TIMM21: variants seen among roughly 807,000 people sequenced by gnomAD.
TIMM21 encodes translocase of inner mitochondrial membrane 21.
Under a neutral mutation model 27.7 loss-of-function variants are expected in TIMM21, and 30 were observed. That is an observed-to-expected ratio of 1.08 (90% CI 0.81 to 1.47). TIMM21 has a LOEUF of 1.47. TIMM21 is among the 40% of genes most tolerant of loss of function. The pLI, the probability that TIMM21 is intolerant of heterozygous loss-of-function variation, is 0.00. For missense variants in TIMM21, 292 were observed against 302.9 expected (o/e 0.96, Z 0.27); for synonymous variants, 121 against 114.4 (o/e 1.06, Z -0.37).
At position 74,158,019 on chromosome 18, in the gene TIMM21, C is replaced by T. The variant is rs747357099; in HGVS notation, c.468C>T (p.Ile156=). Residue 156 remains isoleucine (I), a synonymous_variant, in exon 4 of 6, where the codon ATC becomes ATT. Transcript: ENST00000169551. ...GCACTGTCCTTGTTCTGCAGGTGAT[C>T]GGTGTCTTTGGTGAGTCTGTTAAAG... is the stretch of plus-strand genomic sequence containing the variant. ...LEKCRSHPEV[I]GVFGESVKGY... is the part of the protein sequence containing the mutation. 20 of 1,613,930 alleles carry T rather than the reference C, an allele frequency of 1.2e-5. 2 individuals carry two copies. The South Asian group carries it at 1.6e-4, about 13-fold the overall frequency.
rs139456154 is a variant in TIMM21, at chr18:74,149,080, G to T, written c.272G>T (p.Gly91Val). The change falls in exon 1 of 6, where the codon GGG becomes GTG. Residue 91 changes from glycine (G) to valine (V), a missense_variant. Gly to Val is a moderately radical substitution (Grantham distance 109). Coordinates refer to ENST00000169551, the MANE Select transcript of TIMM21 (RefSeq NM_014177.3). ...KQVSVHRSQR[G>V]GTAVPTSQKV... ...GTGTCTGTGCACAGGAGTCAGAGAG[G>T]GGGAACCGCCGTCCCAACATCACAA... is the stretch of plus-strand genomic sequence containing the variant. 6.2e-7 allele frequency: 1 copy of T among 1,610,876 alleles called. No individual in the cohort carries two copies. Among genetic ancestry groups the T allele is most frequent in the Non-Finnish European group, 8.5e-7 (1 of 1,177,688 alleles).
chr18:74,151,275 T>C lies in TIMM21; in HGVS notation c.301+2166T>C, dbSNP rs550385813. On this transcript the variant is annotated intron_variant, in intron 1 of 5. Coordinates refer to ENST00000169551, the MANE Select transcript of TIMM21 (RefSeq NM_014177.3). ...TTCAGGTCCAGAAACTGGGGCAATG[T>C]TCAGGACTTTGCATTAGAGCAGCTG... Among the ~76,000 whole-genome samples, 10 of 152,354 alleles carry C rather than the reference T, an allele frequency of 6.6e-5. No homozygotes were observed. In the East Asian group the frequency reaches 1.9e-3, roughly 29 times the overall value.
intron 1 of TIMM21, among the ~76,000 whole-genome samples, chr18:74,153,726 G>A (rs1345356064): frequency 6.6e-6 from 1 of 152,190 alleles, no homozygotes; most frequent in African/African-American, 2.4e-5. Context: ...ATACGCTAAA[G>A]ACTACTTTTA....
chr18:74,151,949 C>T (rs971196821), intron 1 of TIMM21, among the ~76,000 whole-genome samples: 5 of 143,830 alleles, frequency 3.5e-5, no homozygotes, highest in Non-Finnish European at 7.6e-5. Flanking sequence ...CCCCCCCCCC[C>T]GGGGGGACCT....
chr18:74,156,463 A>C, intron 3 of TIMM21: 1 of 394,590 alleles, frequency 2.5e-6, no homozygotes, highest in Non-Finnish European at 4.5e-6. Context: ...ATTTCTCTTC[A>C]TTGAGCTCTG....
chr18:74,153,228 CAG>C (rs1163220076), intron 1 of TIMM21, among the ~76,000 whole-genome samples: 2 of 152,164 alleles, frequency 1.3e-5, no homozygotes, highest in East Asian at 1.9e-4. Flanking sequence ...AAGTAACAAA[CAG>C]AAATTTTTCA....
At chr18:74,150,503 G>A (rs1207915294) in intron 1 of TIMM21, among the ~76,000 whole-genome samples, 1 of 152,208 alleles carries the variant, frequency 6.6e-6, no homozygotes, top group Non-Finnish European at 1.5e-5. Context: ...CCTTAAGACT[G>A]TTATGATAGA....
Position 74,159,723 on chromosome 18 carries a change from A to AACTT in TIMM21, c.*1245_*1248dup, listed in dbSNP as rs1980053167. 6.6e-6 allele frequency: 1 copy of AACTT among 152,216 alleles called. No homozygotes were observed. The highest frequency in any genetic ancestry group is 2.1e-4 in the South Asian group (1 of 4,826). 9.4% of individuals were successfully genotyped at this position (152,216 alleles called of 1,614,324 possible). A position where few individuals can be genotyped will look rare whatever the true frequency, so the allele number is the denominator to read the frequency against. On this transcript the variant is annotated 3_prime_UTR_variant, in exon 6 of 6. Transcript: ENST00000169551. ...ACACACTTTGACTGAATGAGGCCTT[A>AACTT]ACTTAGGCTTTCTCTCCTAATCGTT...
rs141947557 is a variant in TIMM21 at position 74,158,433 on chromosome 18, C to G, written c.700C>G (p.Pro234Ala). 419 of 1,602,008 alleles carry G rather than the reference C, an allele frequency of 2.6e-4. No homozygotes were observed. The highest frequency in any genetic ancestry group is 3.4e-4 in the Non-Finnish European group (395 of 1,170,784). ...TATATTTGTAGAAATTGAATCTTAT[C>G]CTAGAAGAACTATTATCATTGAAGA... ...RYIFVEIESY[P>A]RRTIIIEDNR... is the part of the protein sequence containing the mutation. Residue 234 changes from proline to alanine, a missense_variant, in exon 6 of 6, where the codon CCT becomes GCT. Transcript: ENST00000169551.
intron 1 of TIMM21, among the ~76,000 whole-genome samples, chr18:74,154,145 T>A (rs1477215795): frequency 6.6e-6 from 1 of 152,170 alleles, no homozygotes. Flanking sequence ...GGAGGGACAA[T>A]CGGGAATCTA....
intron 1 of TIMM21, 59 bp from the exon 2 acceptor site, chr18:74,155,086 A>G (rs3737513): frequency 0.093 from 143,950 of 1,548,678 alleles, 8,103 homozygotes; most frequent in Admixed American, 0.25. Context: ...CAAAAGCAGC[A>G]GACAAGCTTG....
intron 3 of TIMM21, chr18:74,157,465 A>G (rs978303091): frequency 6.5e-6 from 1 of 153,478 alleles, no homozygotes; most frequent in African/African-American, 2.4e-5. Flanking sequence ...TTGAAACTAC[A>G]AGTCACACCA....
At chr18:74,156,522 A>C in intron 3 of TIMM21, 1 of 379,274 alleles carries the variant, frequency 2.6e-6, no homozygotes, top group Non-Finnish European at 4.7e-6. Flanking sequence ...AAAGTATCTC[A>C]GAGGTGAAAA....
In TIMM21 at chr18:74,152,332, C is replaced by A. The variant is rs940486773; in HGVS notation, c.302-2813C>A. On this transcript the variant is annotated intron_variant, in intron 1 of 5. Coordinates refer to ENST00000169551, the MANE Select transcript of TIMM21 (RefSeq NM_014177.3). The surrounding 1 kb of genome is among the most constrained non-coding windows in gnomAD (Gnocchi z 4.1). ...TCCCTTCCGCCCCAGACCTCACCCA[C>A]GCATTTTCTATCCTCTGGGTGCAAT... 6.6e-6 allele frequency among the ~76,000 whole-genome samples: 1 copy of A among 152,112 alleles called. No homozygotes were observed. The highest frequency in any genetic ancestry group is 1.5e-5 in the Non-Finnish European group (1 of 68,014).
intron 1 of TIMM21, among the ~76,000 whole-genome samples, chr18:74,154,550 C>T (rs1250996697): frequency 2.7e-5 from 4 of 150,842 alleles, no homozygotes; most frequent in East Asian, 3.9e-4. Context: ...CATGAGCCAC[C>T]GCGCCTGGCC....
In TIMM21 at chr18:74,155,336, T is replaced by C; in HGVS notation, c.395T>C (p.Leu132Pro). ...TTGTTTTACACGATTTTCAAAGAAC[T>C]TTTTTCTTCATCCAGTCCTAGCAAG... Reference protein sequence around the residue: ...GGLFYTIFKELFSSSSPSKIY... With the variant: ...GGLFYTIFKEPFSSSSPSKIY... Residue 132 changes from leucine to proline, a missense_variant, in exon 3 of 6, where the codon CTT (leucine) becomes CCT (proline). Leu to Pro is a moderately conservative substitution (Grantham distance 98). Transcript: ENST00000169551. 1 of 1,613,558 alleles carries C rather than the reference T, an allele frequency of 6.2e-7. No homozygotes were observed.
In TIMM21 at chr18:74,160,215, C is replaced by T. The variant is rs1242780384; in HGVS notation, c.*1735C>T. On this transcript the variant is annotated 3_prime_UTR_variant, in exon 6 of 6. Coordinates refer to ENST00000169551, the MANE Select transcript of TIMM21 (RefSeq NM_014177.3). The stretch of plus-strand genomic sequence containing the variant: ...TGACACACTCCTGTAATCTCATCTA[C>T]TCAGGAGACAGGAGAAGCGCTTGAA... The T allele has an allele frequency of 6.6e-6, 1 of 151,418 alleles. No individual in the cohort carries two copies. Among genetic ancestry groups the T allele is most frequent in the East Asian group, 1.9e-4 (1 of 5,156 alleles). The allele number at this position is 151,418 out of a possible 1,614,324, so 9.4% of individuals were successfully genotyped here. A position where few individuals can be genotyped will look rare whatever the true frequency, so the allele number is the denominator to read the frequency against.
intron 1 of TIMM21, among the ~76,000 whole-genome samples, chr18:74,151,940 C>T (rs1035960219): frequency 2.1e-4 from 30 of 144,168 alleles, no homozygotes; most frequent in Admixed American, 4.0e-4. Flanking sequence ...TCTATGTTCC[C>T]CCCCCCCCCG....
rs763408358 is a variant in TIMM21, at chr18:74,149,017, C to T, written c.209C>T (p.Pro70Leu). Residue 70 changes from proline (P) to leucine (L), a missense_variant, in exon 1 of 6, where the codon CCG (proline) becomes CTG (leucine). Transcript: ENST00000169551. ...VTQKTIWTQG[P>L]SPRKAKEDGS... ...CAGAAAACCATCTGGACGCAGGGAC[C>T]GAGCCCCCGAAAAGCAAAGGAGGAT... 3.4e-5 allele frequency: 55 copies of T among 1,614,000 alleles called. No homozygotes were observed. The highest frequency in any genetic ancestry group is 4.2e-5 in the Non-Finnish European group (49 of 1,180,044).
Sources: gnomAD v4.1 joint callset for allele counts (sites outside exome capture counted in the v4.1 genomes callset) on GRCh38, gnomAD v4.1.1 for gene constraint, Gnocchi (gnomAD v3.1) non-coding constraint, MANE v1.5 for transcripts, NCBI Gene and HGNC (gene_info 2026-07-23, HGNC 2026-07-21) for gene names.